CLASP2: variants seen among roughly 807,000 people sequenced by gnomAD.
The protein encoded by CLASP2 is CLIP-associating protein 2.
In CLASP2, 47 loss-of-function variants were observed where a neutral mutation model predicts 194.4. The observed-to-expected ratio is 0.24, with a 90% CI of 0.19 to 0.31. The LOEUF is 0.31. Among genes scored for constraint, CLASP2 ranks in the 10% least tolerant of loss-of-function variants. The pLI, the probability that CLASP2 is intolerant of heterozygous loss-of-function variation, is 1.00. For missense variants in CLASP2, 1,445 were observed against 1,823.6 expected, an observed-to-expected ratio of 0.79 and a Z score of 3.78; for synonymous variants, 619 against 633.5, an observed-to-expected ratio of 0.98 and a Z score of 0.34.
At chr3:33,671,062 A>C (rs1203058648) in intron 6 of CLASP2, among the ~76,000 whole-genome samples, 1 of 152,064 alleles carries the variant, frequency 6.6e-6, no homozygotes, top group African/African-American at 2.4e-5. Context: ...GGAAATCCCG[A>C]ACTCCAGTCT....
At chr3:33,622,532 T>C (rs867881613) in intron 10 of CLASP2, among the ~76,000 whole-genome samples, 2 of 152,226 alleles carry the variant, frequency 1.3e-5, no homozygotes, top group African/African-American at 4.8e-5. Flanking sequence ...ACTATAAGTA[T>C]ATAAATTCTA....
At chr3:33,592,809 G>T in intron 20 of CLASP2, 1 of 334,472 alleles carries the variant, frequency 3.0e-6, no homozygotes, top group Non-Finnish European at 5.7e-6. Context: ...ATTGGTAGTT[G>T]CAATTCTGAA....
intron 21 of CLASP2, among the ~76,000 whole-genome samples, chr3:33,587,734 TAA>T (rs1304037715): frequency 1.3e-5 from 2 of 152,224 alleles, no homozygotes; most frequent in Admixed American, 1.3e-4. Context: ...GATACTCATA[TAA>T]GGAACCTGTT....
At chr3:33,717,492 T>G (rs1434647933) in intron 1 of CLASP2, among the ~76,000 whole-genome samples, 1 of 152,064 alleles carries the variant, frequency 6.6e-6, no homozygotes, top group Non-Finnish European at 1.5e-5. Flanking sequence ...AGTGGCTCGA[T>G]CTCGGCTCAC....
At chr3:33,691,412 GA>G (rs2091335840) in intron 2 of CLASP2, among the ~76,000 whole-genome samples, 1 of 151,840 alleles carries the variant, frequency 6.6e-6, no homozygotes, top group Non-Finnish European at 1.5e-5. Flanking sequence ...AAGAGTTAAA[GA>G]AAAAAGAAAT....
intron 27 of CLASP2, among the ~76,000 whole-genome samples, chr3:33,564,965 G>C (rs1467712099): frequency 1.3e-5 from 2 of 151,878 alleles, no homozygotes; most frequent in Non-Finnish European, 2.9e-5. Flanking sequence ...CACACACACA[G>C]CTGACCCTTG....
intron 18 of CLASP2, among the ~76,000 whole-genome samples, chr3:33,599,063 C>T (rs988883364): frequency 6.6e-6 from 1 of 152,158 alleles, no homozygotes; most frequent in African/African-American, 2.4e-5. Context: ...ACTTCCAAAT[C>T]GAATCTAATC....
At chr3:33,607,552 C>G (rs2074155930) in intron 14 of CLASP2, 91 bp from the exon 15 acceptor site, 1 of 747,210 alleles carries the variant, frequency 1.3e-6, no homozygotes, top group Non-Finnish European at 2.1e-6. Flanking sequence ...ATATTAATCA[C>G]AAACAGGTAG....
rs1435517079 is a variant in CLASP2 at position 33,608,574 on chromosome 3, A to G, written c.1441T>C (p.Leu481=). ...GGAAGAGGGAATGCATACCTTTCCAATGAATGAGTCTGCCACTCTTGCAAC... is the reference window on the plus strand; with the variant it reads ...GGAAGAGGGAATGCATACCTTTCCAGTGAATGAGTCTGCCACTCTTGCAAC... The part of the protein sequence containing the change: ...LLLQEWQTHS[L]ERHAAVLVET... Residue 481 remains leucine, a synonymous_variant, in exon 14 of 39, where the codon TTG becomes CTG. Transcript: ENST00000682230. The G allele has an allele frequency of 6.2e-7, 1 of 1,611,448 alleles. No individual in the cohort carries two copies. Among genetic ancestry groups the G allele is most frequent in the African/African-American group, 1.3e-5 (1 of 74,966 alleles).
intron 6 of CLASP2, among the ~76,000 whole-genome samples, chr3:33,669,940 T>TA: frequency 6.6e-6 from 1 of 152,110 alleles, no homozygotes; most frequent in Non-Finnish European, 1.5e-5. Context: ...AGCATACTCA[T>TA]AAAAACCGTA....
intron 1 of CLASP2, among the ~76,000 whole-genome samples, chr3:33,716,976 G>C (rs1310771364): frequency 6.6e-6 from 1 of 152,182 alleles, no homozygotes; most frequent in Non-Finnish European, 1.5e-5. Context: ...CAGAAGACAA[G>C]AAAGAAAAGT....
intron 8 of CLASP2, among the ~76,000 whole-genome samples, chr3:33,639,702 G>C (rs2080933200): frequency 1.3e-5 from 2 of 152,150 alleles, no homozygotes; most frequent in African/African-American, 4.8e-5. Context: ...TCAACGTTAG[G>C]AGAGAAAGCA....
intron 6 of CLASP2, among the ~76,000 whole-genome samples, chr3:33,665,238 C>T (rs1329263890): frequency 1.3e-5 from 2 of 152,056 alleles, no homozygotes; most frequent in African/African-American, 4.8e-5. Context: ...ACAGAAAGCT[C>T]AGAAAGAGAA....
rs201902351 is a variant in CLASP2, at chr3:33,589,480, T to C, written c.2068+2915A>G. 1.1e-4 allele frequency among the ~76,000 whole-genome samples: 17 copies of C among 152,258 alleles called. No homozygotes were observed. The East Asian group carries it at 2.3e-3, about 21-fold the overall frequency. On this transcript the variant is annotated intron_variant, in intron 21 of 38. Coordinates refer to ENST00000682230, the MANE Select transcript of CLASP2 (RefSeq NM_001365631.1). ...ACAGTAATATTTCTGTGCAAATATA[T>C]TGTAAAGAAACTTGCATACAAATTA... is the stretch of plus-strand genomic sequence containing the variant.
chr3:33,578,312 A>G (rs1273886757), intron 23 of CLASP2, among the ~76,000 whole-genome samples: 1 of 152,224 alleles, frequency 6.6e-6, no homozygotes, highest in Non-Finnish European at 1.5e-5. Flanking sequence ...AATTTGTGAC[A>G]TATCTCCCTA....
At chr3:33,573,416 T>C (rs1336740711) in intron 24 of CLASP2, 62 bp from the exon 25 acceptor site, 3 of 1,514,052 alleles carry the variant, frequency 2.0e-6, no homozygotes, top group Non-Finnish European at 2.7e-6. Flanking sequence ...TTTCATAATT[T>C]CTACTGACCA....
intron 14 of CLASP2, among the ~76,000 whole-genome samples, chr3:33,608,243 T>C (rs916911196): frequency 1.6e-4 from 25 of 152,192 alleles, no homozygotes; most frequent in Non-Finnish European, 3.4e-4. Context: ...AAATCATTCA[T>C]TACATGATTG....
In CLASP2 at chr3:33,516,964, C is replaced by T. The variant is rs1238927988; in HGVS notation, c.3981+17G>A. On this transcript the variant is annotated intron_variant, in intron 35 of 38. Transcript: ENST00000682230. ...GACAGGAAGGAAAGGCTACTGTTTA[C>T]ATATTTTGCCATTTACCTCTTTATC... The T allele has an allele frequency of 2.5e-6, 4 of 1,603,282 alleles. No individual in the cohort carries two copies. Among genetic ancestry groups the T allele is most frequent in the Admixed American group, 3.4e-5 (2 of 59,344 alleles).
At chr3:33,571,854 T>C (rs76110031) in intron 25 of CLASP2, among the ~76,000 whole-genome samples, 10,689 of 152,104 alleles carry the variant, frequency 0.07, 472 homozygotes, top group Admixed American at 0.1. Flanking sequence ...ACCCTAAAAA[T>C]TGAGAAATTT....
Sources: gnomAD v4.1 joint callset for allele counts (sites outside exome capture counted in the v4.1 genomes callset) on GRCh38, gnomAD v4.1.1 for gene constraint, MANE v1.5 for transcripts, NCBI Gene and HGNC (gene_info 2026-07-23, HGNC 2026-07-21) for gene names.